The following SNX9 variants were observed in gnomAD, a reference collection of about 807,000 sequenced individuals.
SNX9 encodes the protein sorting nexin 9.
Under a neutral mutation model 89.4 loss-of-function variants are expected in SNX9, and 44 were observed. The observed-to-expected ratio is 0.49, with a 90% confidence interval of 0.39 to 0.63. SNX9 has a LOEUF of 0.63. SNX9 is among the 30% of genes least tolerant of loss of function. The pLI is 0.00. For synonymous variants in SNX9, 236 were observed against 247.8 expected (o/e 0.95, Z 0.45); for missense variants, 578 against 736.1 (o/e 0.79, Z 2.49).
At chr6:157,826,849 T>TATATAAAAATATATATTATAGTTTATATA (rs1207687265) in intron 1 of SNX9, among the ~76,000 whole-genome samples, 2,653 of 44,396 alleles carry the variant, frequency 0.06, 656 homozygotes, top group African/African-American at 0.21. Context: ...TATTATATTT[T>TATATAAAAATATATATTATAGTTTATATA]ATATATAAAT....
chr6:157,909,289 A>G (rs1783284974), intron 7 of SNX9, among the ~76,000 whole-genome samples: 1 of 152,182 alleles, frequency 6.6e-6, no homozygotes. Flanking sequence ...GTTATATTTC[A>G]CCAAACTATT....
intron 12 of SNX9, among the ~76,000 whole-genome samples, chr6:157,929,689 G>A (rs73792157): frequency 0.025 from 3,770 of 152,092 alleles, 171 homozygotes; most frequent in African/African-American, 0.087. Context: ...CATAGGAAAG[G>A]GATCTGTTCT....
chr6:157,868,127 G>T (rs551655535), intron 2 of SNX9, among the ~76,000 whole-genome samples: 1 of 152,234 alleles, frequency 6.6e-6, no homozygotes, highest in South Asian at 2.1e-4. Flanking sequence ...AGATTAGGTT[G>T]CCAGAAAGCA....
intron 3 of SNX9, among the ~76,000 whole-genome samples, chr6:157,873,728 C>G (rs543673560): frequency 6.6e-6 from 1 of 151,882 alleles, no homozygotes; most frequent in East Asian, 1.9e-4. Flanking sequence ...ACAATAGACT[C>G]ACAGTTTAAA....
At chr6:157,891,409 A>G (rs372186465) in intron 4 of SNX9, among the ~76,000 whole-genome samples, 1 of 152,152 alleles carries the variant, frequency 6.6e-6, no homozygotes, top group African/African-American at 2.4e-5. Flanking sequence ...TTTCAAAAAG[A>G]CTCAATTTAG....
intron 1 of SNX9, among the ~76,000 whole-genome samples, chr6:157,834,150 G>GTT (rs561509955): frequency 0.08 from 2,829 of 35,302 alleles, 836 homozygotes; most frequent in Middle Eastern, 0.12. Context: ...GTCCACTGTG[G>GTT]TTTTTTTTTT....
At chr6:157,880,936 A>C (rs1782610409) in intron 4 of SNX9, among the ~76,000 whole-genome samples, 1 of 152,280 alleles carries the variant, frequency 6.6e-6, no homozygotes. Context: ...TAAAGTATTT[A>C]GAAGAGTACA....
intron 1 of SNX9, among the ~76,000 whole-genome samples, chr6:157,831,407 G>A (rs1283292944): frequency 1.3e-5 from 2 of 152,226 alleles, no homozygotes; most frequent in African/African-American, 4.8e-5. Context: ...ATACTGGGTA[G>A]AATAAATATG....
chr6:157,849,019 G>A (rs1358783566), intron 1 of SNX9, among the ~76,000 whole-genome samples: 1 of 152,220 alleles, frequency 6.6e-6, no homozygotes, highest in Non-Finnish European at 1.5e-5. Flanking sequence ...GACCGCAGCA[G>A]TAGGATCACT....
intron 2 of SNX9, among the ~76,000 whole-genome samples, chr6:157,869,223 C>T (rs1782337602): frequency 1.3e-5 from 2 of 152,204 alleles, no homozygotes; most frequent in Non-Finnish European, 2.9e-5. Flanking sequence ...GGGGTTCCCA[C>T]GTCATTCCAC....
intron 2 of SNX9, among the ~76,000 whole-genome samples, chr6:157,868,291 G>C (rs3792930): frequency 0.05 from 7,646 of 152,224 alleles, 218 homozygotes; most frequent in East Asian, 0.11. Flanking sequence ...GTTTGAAATT[G>C]TGTACATATA....
intron 7 of SNX9, 28 bp from the exon 8 acceptor site, chr6:157,909,637 A>G (rs1783295858): frequency 1.9e-6 from 3 of 1,605,206 alleles, no homozygotes; most frequent in Non-Finnish European, 2.5e-6. Flanking sequence ...ATGTAACAAA[A>G]TTACTTCTTT....
intron 4 of SNX9, among the ~76,000 whole-genome samples, chr6:157,883,754 A>G (rs935850927): frequency 6.6e-6 from 1 of 152,116 alleles, no homozygotes; most frequent in Non-Finnish European, 1.5e-5. Context: ...TCAGAAGCCC[A>G]TCTCTTCAGG....
At chr6:157,932,445 G>C (rs1024136212) in intron 13 of SNX9, among the ~76,000 whole-genome samples, 173 bp downstream of exon 13, 3 of 152,154 alleles carry the variant, frequency 2.0e-5, no homozygotes, top group African/African-American at 7.2e-5. Context: ...TAGGACTTTT[G>C]AGAAAAGCCA....
chr6:157,843,081 T>C (rs1012983566), intron 1 of SNX9, among the ~76,000 whole-genome samples: 4 of 152,204 alleles, frequency 2.6e-5, no homozygotes, highest in African/African-American at 9.6e-5. Flanking sequence ...TTTCTTTCAG[T>C]GTCATAATTT....
intron 9 of SNX9, among the ~76,000 whole-genome samples, chr6:157,920,984 T>G (rs1428664201): frequency 1.3e-5 from 2 of 152,228 alleles, no homozygotes; most frequent in African/African-American, 4.8e-5. Context: ...GGAAAAAAGC[T>G]ATAGCCTTGG....
At chr6:157,909,297 A>G (rs991328309) in intron 7 of SNX9, among the ~76,000 whole-genome samples, 2 of 152,222 alleles carry the variant, frequency 1.3e-5, no homozygotes, top group African/African-American at 4.8e-5. Flanking sequence ...TCACCAAACT[A>G]TTAGTCTGTG....
chr6:157,916,650 T>C (rs1783478568), intron 9 of SNX9, among the ~76,000 whole-genome samples: 1 of 152,236 alleles, frequency 6.6e-6, no homozygotes, highest in South Asian at 2.1e-4. Context: ...AGATGCTGGA[T>C]TTTGTCCCAT....
chr6:157,830,900 C>T (rs974379237), intron 1 of SNX9, among the ~76,000 whole-genome samples: 2 of 152,170 alleles, frequency 1.3e-5, no homozygotes, highest in Non-Finnish European at 2.9e-5. Flanking sequence ...TTTCTTTGTG[C>T]TACATTCTGG....
Sources: allele counts gnomAD v4.1 joint callset (sites outside exome capture counted in the v4.1 genomes callset), GRCh38; gene constraint gnomAD v4.1.1; transcripts MANE v1.5; gene names NCBI Gene and HGNC (gene_info 2026-07-23, HGNC 2026-07-21).